Variants in KIF26B observed in about 807,000 individuals in gnomAD.
The protein encoded by KIF26B is kinesin family member 26B.
Under a neutral mutation model 151.2 loss-of-function variants are expected in KIF26B, and 63 were observed. The ratio of observed to expected loss-of-function variants is 0.42; its 90% confidence interval spans 0.34 to 0.51. KIF26B has a LOEUF of 0.51. Ranked by LOEUF, KIF26B falls within the 20% of genes least tolerant of loss-of-function variation. KIF26B has a pLI of 0.07. For synonymous variants in KIF26B, 1,357 were observed against 1,262.1 expected (o/e 1.08, Z -1.59); for missense variants, 2,813 against 2,913.6 (o/e 0.97, Z 0.79).
chr1:245,575,886 A>AT (rs977965252), intron 5 of KIF26B, among the ~76,000 whole-genome samples: 1 of 151,926 alleles, frequency 6.6e-6, no homozygotes, highest in Non-Finnish European at 1.5e-5. Context: ...GAACTCTCTC[A>AT]TTTGCCTCCT....
intron 2 of KIF26B, among the ~76,000 whole-genome samples, chr1:245,173,078 G>A (rs1222368469): frequency 1.3e-5 from 2 of 152,292 alleles, no homozygotes; most frequent in African/African-American, 4.8e-5. Context: ...CCTAAAAAAA[G>A]GAGATTCAGG....
At chr1:245,221,770 C>A (rs1218009195) in intron 2 of KIF26B, among the ~76,000 whole-genome samples, 1 of 152,310 alleles carries the variant, frequency 6.6e-6, no homozygotes, top group Admixed American at 6.5e-5. Flanking sequence ...GCAGCCTTAC[C>A]AGATAGCTTG....
At chr1:245,450,732 T>C (rs1659370500) in intron 4 of KIF26B, among the ~76,000 whole-genome samples, 1 of 152,218 alleles carries the variant, frequency 6.6e-6, no homozygotes, top group Admixed American at 6.5e-5. Flanking sequence ...CTATGGCACA[T>C]CTTCGTAGGA....
At chr1:245,287,492 CTCTCTCTTTT>C (rs1250729084) in intron 2 of KIF26B, among the ~76,000 whole-genome samples, 2 of 136,550 alleles carry the variant, frequency 1.5e-5, no homozygotes, top group Admixed American at 7.4e-5. Flanking sequence ...TCTCATCTCT[CTCTCTCTTTT>C]TTTTTTTTTT....
At chr1:245,269,228 C>A (rs1670805256) in intron 2 of KIF26B, among the ~76,000 whole-genome samples, 1 of 134,234 alleles carries the variant, frequency 7.4e-6, no homozygotes, top group Non-Finnish European at 1.6e-5. Flanking sequence ...GCCCCTCTCC[C>A]CCTCCTCCTC....
rs573348955 is a variant in KIF26B at position 245,678,822 on chromosome 1, T to C, written c.2259-5411T>C. On this transcript the variant is annotated intron_variant, in intron 10 of 14. Transcript: ENST00000407071. ...AGGTTGCCGTGAGCTGAGATCACAC[T>C]ACTGCACTCCAGCCCGGGTGACAGG... Among the ~76,000 whole-genome samples the C allele has an allele frequency of 1.1e-3, 161 of 151,094 alleles. 1 individual carries two copies. Among genetic ancestry groups the C allele is most frequent in the Non-Finnish European group, 1.5e-3 (105 of 67,856 alleles).
chr1:245,253,859 G>A (rs1266517929), intron 2 of KIF26B, among the ~76,000 whole-genome samples: 2 of 137,594 alleles, frequency 1.5e-5, no homozygotes, highest in East Asian at 4.3e-4. Context: ...GCGCAGGCTG[G>A]AGTGCAGTGG....
intron 4 of KIF26B, among the ~76,000 whole-genome samples, chr1:245,452,678 A>G (rs1659424271): frequency 6.6e-6 from 1 of 151,912 alleles, no homozygotes; most frequent in East Asian, 1.9e-4. Flanking sequence ...TTTGATTTGC[A>G]TTTCCCTAGT....
rs567825781 is a variant in KIF26B, at chr1:245,512,779, G to A, written c.1167-27988G>A. On this transcript the variant is annotated intron_variant, in intron 4 of 14. Transcript: ENST00000407071. This position sits in a 1 kb window ranked among gnomAD's most constrained non-coding sequence, Gnocchi z 4.3. ...AGGGGAAAGCTTTCGATCTTGTGCC[G>A]TTTTGTTTTGGTTTCTTGTTTATGT... Among the ~76,000 whole-genome samples, 2 of 152,248 alleles carry A rather than the reference G, an allele frequency of 1.3e-5. No individual in the cohort carries two copies. The highest frequency in any genetic ancestry group is 2.1e-4 in the South Asian group (1 of 4,814).
intron 3 of KIF26B, among the ~76,000 whole-genome samples, chr1:245,395,412 G>A (rs960396993): frequency 3.9e-5 from 6 of 152,148 alleles, no homozygotes; most frequent in African/African-American, 1.4e-4. Flanking sequence ...AAGTTAGGTG[G>A]TAGTAGTGGA....
At chr1:245,174,425 G>GA (rs906164475) in intron 2 of KIF26B, among the ~76,000 whole-genome samples, 23 of 149,666 alleles carry the variant, frequency 1.5e-4, no homozygotes, top group African/African-American at 3.4e-4. Context: ...AGTAATACAA[G>GA]AAAAAAAAAG....
chr1:245,216,965 G>A (rs1017933972), intron 2 of KIF26B, among the ~76,000 whole-genome samples: 1 of 152,164 alleles, frequency 6.6e-6, no homozygotes, highest in East Asian at 1.9e-4. Context: ...CAGAGCACAG[G>A]GAGCCAACTG....
chr1:245,614,520 A>T (rs1255811015), intron 9 of KIF26B, among the ~76,000 whole-genome samples: 1 of 152,144 alleles, frequency 6.6e-6, no homozygotes, highest in Non-Finnish European at 1.5e-5. Context: ...CTACCCTACC[A>T]CCAGGACAGA....
chr1:245,593,038 CA>C (rs1315549463), intron 5 of KIF26B, among the ~76,000 whole-genome samples: 1 of 152,086 alleles, frequency 6.6e-6, no homozygotes, highest in Non-Finnish European at 1.5e-5. Context: ...TTTGGTACCC[CA>C]AAAAACTTCT....
chr1:245,539,676 G>A (rs571353947), intron 4 of KIF26B, among the ~76,000 whole-genome samples: 9 of 151,886 alleles, frequency 5.9e-5, no homozygotes, highest in African/African-American at 1.2e-4. Flanking sequence ...CTTTTGAGAC[G>A]GAGTCTCACT....
rs370973386 is a variant in KIF26B at position 245,669,129 on chromosome 1, A to G, written c.2259-15104A>G. 2.0e-5 allele frequency among the ~76,000 whole-genome samples: 3 copies of G among 152,368 alleles called. No homozygotes were observed. In the East Asian group the frequency reaches 5.8e-4, roughly 29 times the overall value. On this transcript the variant is annotated intron_variant, in intron 10 of 14. Transcript: ENST00000407071. ...CGACAATACACAGAAAATGCACTTAACAATAGCCCCTGAAGTTTTCCCCAG... is the reference window on the plus strand; with the variant it reads ...CGACAATACACAGAAAATGCACTTAGCAATAGCCCCTGAAGTTTTCCCCAG...
Position 245,156,535 on chromosome 1 carries a change from TCGGCACAGGCTCCCCGGGCTC to T in KIF26B, c.323_343del (p.Thr108_Gly114del), listed in dbSNP as rs764301839. ...GGCTCCTTGGGCGGCTCTCCGGGCT[TCGGCACAGGCTCCCCGGGCTC>T]CGGCAGCGGCGGCGGCTCCTCCCCC... On this transcript the variant is annotated inframe_deletion, in exon 2 of 15. Coordinates refer to ENST00000407071, the MANE Select transcript of KIF26B (RefSeq NM_018012.4). 6.5e-7 allele frequency: 1 copy of T among 1,536,054 alleles called. No individual in the cohort carries two copies. The highest frequency in any genetic ancestry group is 8.7e-7 in the Non-Finnish European group (1 of 1,146,878).
chr1:245,464,509 A>C (rs779152573), intron 4 of KIF26B, among the ~76,000 whole-genome samples: 18 of 122,618 alleles, frequency 1.5e-4, no homozygotes, highest in Non-Finnish European at 2.7e-4. Context: ...GGGCGTGTGC[A>C]TGTGTGGATG....
chr1:245,441,892 C>T (rs1054630230), intron 4 of KIF26B, among the ~76,000 whole-genome samples: 11 of 152,154 alleles, frequency 7.2e-5, no homozygotes, highest in Non-Finnish European at 1.3e-4. Context: ...TGCTTCCTGT[C>T]CCTGGAAGTG....
Sources: allele counts gnomAD v4.1 joint callset (sites outside exome capture counted in the v4.1 genomes callset), GRCh38; gene constraint gnomAD v4.1.1; non-coding constraint Gnocchi (gnomAD v3.1); transcripts MANE v1.5; gene names NCBI Gene and HGNC (gene_info 2026-07-23, HGNC 2026-07-21).